ALLC: variants seen among roughly 807,000 people sequenced by gnomAD.
The protein encoded by ALLC is allantoicase.
ALLC carries 40 observed loss-of-function variants against 45.0 expected under a neutral mutation model. That is an observed-to-expected ratio of 0.89 (90% CI 0.69 to 1.16). The LOEUF (loss-of-function observed/expected upper bound fraction) is 1.16, where lower values mean the gene tolerates loss of function less well. Ranked by LOEUF, ALLC falls within the 50% of genes most tolerant of loss-of-function variation. ALLC has a pLI of 0.00. For synonymous variants in ALLC, 176 were observed against 178.1 expected, an observed-to-expected ratio of 0.99 and a Z score of 0.09; for missense variants, 488 against 493.1, an observed-to-expected ratio of 0.99 and a Z score of 0.10.
At chr2:3,651,419 GT>G in the ALLC span, among the ~76,000 whole-genome samples, 11 of 56,252 alleles carry the variant, frequency 2.0e-4, 1 homozygote, top group African/African-American at 3.2e-4. Flanking sequence ...GTGTGTGTGT[GT>G]GTGTGTGTGT....
intron 1 of ALLC, among the ~76,000 whole-genome samples, chr2:3,667,442 G>A (rs1281894649): frequency 6.6e-6 from 1 of 152,174 alleles, no homozygotes; most frequent in Admixed American, 6.5e-5. Flanking sequence ...CACTCATCGA[G>A]CTCCAGCGCT....
the ALLC span, among the ~76,000 whole-genome samples, chr2:3,647,052 C>T: frequency 2.0e-5 from 3 of 152,130 alleles, no homozygotes; most frequent in African/African-American, 4.8e-5. Context: ...AGAGCCACTC[C>T]CTCAGCCCCC....
intron 2 of ALLC, among the ~76,000 whole-genome samples, chr2:3,671,450 C>A (rs1029995465): frequency 6.6e-6 from 1 of 152,246 alleles, no homozygotes; most frequent in South Asian, 2.1e-4. Context: ...GATAGGCAGG[C>A]GGTCCTCTAG....
chr2:3,659,861 TAGGAA>T (rs1406140714), intron 1 of ALLC, among the ~76,000 whole-genome samples: 7 of 152,228 alleles, frequency 4.6e-5, no homozygotes, highest in Admixed American at 2.0e-4. Flanking sequence ...GAGAGAAACT[TAGGAA>T]AGACAAATGT....
intron 3 of ALLC, among the ~76,000 whole-genome samples, chr2:3,678,261 G>T (rs1667077480): frequency 6.6e-6 from 1 of 152,258 alleles, no homozygotes; most frequent in African/African-American, 2.4e-5. Context: ...GGCCCACAAA[G>T]AAGTCACATT....
rs1280706326 is a variant in ALLC at position 3,702,416 on chromosome 2, T to C, written c.1029T>C (p.Asp343=). 6 of 1,613,156 alleles carry C rather than the reference T, an allele frequency of 3.7e-6. No individual in the cohort carries two copies. The East Asian group carries it at 1.1e-4, about 30-fold the overall frequency. ...ATAGCCTGACCCTAGAGCTCCAAGA[T>C]GTCATCACTCACGCCAGGCTCACCA... ...LFDSLTLELQ[D]VITHARLTIV... is the part of the protein sequence containing the mutation. The change falls in exon 12 of 12, where the codon GAT becomes GAC. Residue 343 remains aspartate (D), a synonymous_variant. Transcript: ENST00000252505.
intron 1 of ALLC, among the ~76,000 whole-genome samples, chr2:3,665,473 C>T: frequency 6.6e-6 from 1 of 152,166 alleles, no homozygotes; most frequent in East Asian, 1.9e-4. Flanking sequence ...CCTCCCCCCA[C>T]CCCCGACAGG....
intron 2 of ALLC, among the ~76,000 whole-genome samples, chr2:3,672,705 C>T (rs1160547498): frequency 6.7e-6 from 1 of 149,304 alleles, no homozygotes; most frequent in African/African-American, 2.5e-5. Context: ...CGGAAGTCCT[C>T]TGGCTCTGGT....
intron 2 of ALLC, among the ~76,000 whole-genome samples, chr2:3,671,699 A>G (rs1368188210): frequency 1.5e-4 from 21 of 142,980 alleles, no homozygotes; most frequent in South Asian, 2.3e-4. Context: ...CTCTGGCTCT[A>G]GTTAGACCTG....
At chr2:3,648,543 G>C in the ALLC span, among the ~76,000 whole-genome samples, 1 of 152,226 alleles carries the variant, frequency 6.6e-6, no homozygotes, top group Non-Finnish European at 1.5e-5. Flanking sequence ...GATCCTGCAG[G>C]GTCTGGGGTG....
the ALLC span, among the ~76,000 whole-genome samples, chr2:3,652,434 A>G: frequency 1.3e-5 from 2 of 152,248 alleles, no homozygotes; most frequent in Non-Finnish European, 2.9e-5. Context: ...GTAGGCGTCC[A>G]TGCCTTAGAT....
At chr2:3,660,297 C>T (rs1428937119) in intron 1 of ALLC, among the ~76,000 whole-genome samples, 2 of 152,176 alleles carry the variant, frequency 1.3e-5, no homozygotes. Context: ...AGCCTGAGGC[C>T]CTCGCTGGAA....
intron 2 of ALLC, among the ~76,000 whole-genome samples, chr2:3,672,617 A>AGGAGGTCCTCTGGCTCTGGTTAGATG (rs1666916524): frequency 2.7e-5 from 2 of 73,602 alleles, no homozygotes; most frequent in East Asian, 3.7e-4. Context: ...CTGGTTAGAT[A>AGGAGGTCCTCTGGCTCTGGTTAGATG]GGAGGTCCTC....
chr2:3,652,580 ATTTTTTTTTTTTT>A, the ALLC span, among the ~76,000 whole-genome samples: 63 of 93,358 alleles, frequency 6.7e-4, no homozygotes, highest in African/African-American at 2.1e-3. Flanking sequence ...AAACTTTGTG[ATTTTTTTTTTTTT>A]TTTTTTTTTT....
upstream of ALLC, among the ~76,000 whole-genome samples, chr2:3,657,629 T>C (rs13386564): frequency 0.03 from 4,557 of 152,214 alleles, 241 homozygotes; most frequent in African/African-American, 0.1. Flanking sequence ...GCTGTTTCTT[T>C]CTGCATGGAA....
intron 2 of ALLC, among the ~76,000 whole-genome samples, chr2:3,671,684 AGGTCCTCTGGCTCTAGTTAGACCTGT>A: frequency 6.7e-6 from 1 of 149,710 alleles, no homozygotes; most frequent in Non-Finnish European, 1.5e-5. Flanking sequence ...TTTAGATCCG[AGGTCCTCTGGCTCTAGTTAGACCTGT>A]GGTCCTCTGG....
intron 2 of ALLC, among the ~76,000 whole-genome samples, 192 bp from the exon 3 acceptor site, chr2:3,673,883 G>C (rs563001472): frequency 1.3e-5 from 2 of 152,352 alleles, no homozygotes; most frequent in African/African-American, 4.8e-5. Flanking sequence ...GGGAAGAGAA[G>C]AAGAAGGAGG....
At chr2:3,681,811 C>A in intron 6 of ALLC, 98 bp downstream of exon 6, 1 of 945,354 alleles carries the variant, frequency 1.1e-6, no homozygotes, top group Non-Finnish European at 1.6e-6. Flanking sequence ...TTCTTTGGGA[C>A]GCCCAGCCCT....
chr2:3,671,052 T>A, intron 1 of ALLC, 44 bp from the exon 2 acceptor site: 1 of 1,235,278 alleles, frequency 8.1e-7, no homozygotes, highest in Non-Finnish European at 1.2e-6. Flanking sequence ...CCTCACTCAC[T>A]CCCGCAGCCC....
Sources: allele counts gnomAD v4.1 joint callset (sites outside exome capture counted in the v4.1 genomes callset), GRCh38; gene constraint gnomAD v4.1.1; transcripts MANE v1.5; gene names NCBI Gene and HGNC (gene_info 2026-07-23, HGNC 2026-07-21).